Variants in NFIA observed in about 807,000 individuals in gnomAD.
NFIA encodes nuclear factor 1 A-type.
A neutral mutation model predicts 62.8 loss-of-function variants in NFIA; 8 were observed. That is an observed-to-expected ratio of 0.13 (90% CI 0.07 to 0.23). The LOEUF (loss-of-function observed/expected upper bound fraction) is 0.23, where lower values mean the gene tolerates loss of function less well. Ranked by LOEUF, NFIA falls within the 10% of genes least tolerant of loss-of-function variation. The pLI is 1.00. For missense variants in NFIA, 410 were observed against 642.1 expected (o/e 0.64, Z 3.91); for synonymous variants, 235 against 238.1 (o/e 0.99, Z 0.12).
chr1:61,372,265 C>T (rs116489816), intron 6 of NFIA, among the ~76,000 whole-genome samples: 725 of 152,262 alleles, frequency 4.8e-3, no homozygotes, highest in Non-Finnish European at 7.4e-3. Flanking sequence ...GGAACTAACT[C>T]ATTTACTTAA....
chr1:61,133,315 A>T (rs1308378205), intron 2 of NFIA, among the ~76,000 whole-genome samples: 16 of 151,996 alleles, frequency 1.1e-4, no homozygotes, highest in Admixed American at 1.0e-3. Context: ...TTCTTAAAAA[A>T]TAATAAATAT....
upstream of NFIA, chr1:61,082,497 G>A (rs2100402173): frequency 8.5e-7 from 1 of 1,181,478 alleles, no homozygotes; most frequent in African/African-American, 1.6e-5. Context: ...GGGAAAGGGT[G>A]CGCTATGCCT....
rs200503542 is a variant in NFIA at position 61,134,234 on chromosome 1, CTGTG to C, written c.559+45561_559+45564del. On this transcript the variant is annotated intron_variant, in intron 2 of 10. Transcript: ENST00000403491. ...TGGAAACTACAGGGTGCTTTACAGA[CTGTG>C]TGTGTGAGTGTGTGTGTGTGTGTGT... Among the ~76,000 whole-genome samples the C allele has an allele frequency of 5.4e-3, 706 of 129,834 alleles. 3 individuals are homozygous for C. Among genetic ancestry groups the C allele is most frequent in the African/African-American group, 0.018 (618 of 34,214 alleles). 85.2% of individuals were successfully genotyped at this position (129,834 alleles called of 152,430 possible). A position where few individuals can be genotyped will look rare whatever the true frequency, so the allele number is the denominator to read the frequency against.
intron 10 of NFIA, among the ~76,000 whole-genome samples, chr1:61,431,808 T>G (rs1667106597): frequency 6.6e-6 from 1 of 152,162 alleles, no homozygotes; most frequent in African/African-American, 2.4e-5. Context: ...ATGGAGAGCA[T>G]TTTGAGCTGT....
At chr1:61,410,654 G>A (rs1317904981) in intron 9 of NFIA, among the ~76,000 whole-genome samples, 1 of 152,174 alleles carries the variant, frequency 6.6e-6, no homozygotes, top group Non-Finnish European at 1.5e-5. Context: ...TGTAGACCCA[G>A]CACTTTGGGA....
intron 2 of NFIA, among the ~76,000 whole-genome samples, chr1:61,255,447 G>T (rs549311695): frequency 6.6e-6 from 1 of 152,134 alleles, no homozygotes; most frequent in African/African-American, 2.4e-5. Context: ...TGCATTATGC[G>T]TTACTTTCTC....
intron 2 of NFIA, among the ~76,000 whole-genome samples, chr1:61,224,735 G>C (rs566017474): frequency 6.6e-6 from 1 of 152,250 alleles, no homozygotes; most frequent in East Asian, 1.9e-4. Flanking sequence ...CATCTATCCA[G>C]TCCATTGCAA....
intron 1 of NFIA, among the ~76,000 whole-genome samples, chr1:61,084,668 A>G (rs976668826): frequency 6.6e-6 from 1 of 152,156 alleles, no homozygotes; most frequent in Non-Finnish European, 1.5e-5. Context: ...GAGCTGCAAT[A>G]AAGGGAAAGG....
chr1:61,358,379 C>CTTTTTTTTTTTTTTT (rs34853369), intron 5 of NFIA, among the ~76,000 whole-genome samples: 3 of 52,616 alleles, frequency 5.7e-5, no homozygotes, highest in African/African-American at 8.5e-5. Context: ...TTCTTTCTTT[C>CTTTTTTTTTTTTTTT]TTTTTTTTTT....
intron 3 of NFIA, among the ~76,000 whole-genome samples, chr1:61,326,547 A>G (rs1485061269): frequency 1.3e-5 from 2 of 152,268 alleles, no homozygotes; most frequent in South Asian, 2.1e-4. Flanking sequence ...TGACCCCATC[A>G]GGCAGTGTGT....
At chr1:61,148,097 G>C (rs1648136722) in intron 2 of NFIA, among the ~76,000 whole-genome samples, 1 of 152,178 alleles carries the variant, frequency 6.6e-6, no homozygotes, top group Admixed American at 6.5e-5. Flanking sequence ...TTGTTGAGTA[G>C]TTGTGGTACA....
intron 2 of NFIA, among the ~76,000 whole-genome samples, chr1:61,112,743 A>G (rs927402627): frequency 2.0e-5 from 3 of 152,206 alleles, no homozygotes; most frequent in African/African-American, 7.2e-5. Flanking sequence ...ACATGTTTGC[A>G]TACAATGGAT....
At chr1:61,086,772 ATTTAG>A (rs1343150625) in intron 1 of NFIA, among the ~76,000 whole-genome samples, 1 of 152,188 alleles carries the variant, frequency 6.6e-6, no homozygotes, top group Non-Finnish European at 1.5e-5. Context: ...ACATTTAAAA[ATTTAG>A]TAATTGTGTT....
In NFIA at chr1:61,406,542, T is replaced by TGG. The variant is rs1665830183; in HGVS notation, c.1255-19_1255-18insGG. The TGG allele has an allele frequency of 7.2e-6, 9 of 1,253,684 alleles. No homozygotes were observed. Among genetic ancestry groups the TGG allele is most frequent in the African/African-American group, 2.2e-5 (1 of 46,498 alleles). The allele number at this position is 1,253,684 out of a possible 1,614,324, so 77.7% of individuals were successfully genotyped here. On this transcript the variant is annotated intron_variant, in intron 8 of 10. Coordinates refer to ENST00000403491, the MANE Select transcript of NFIA (RefSeq NM_001134673.4). ...TTCTTTTTCTTGTACGTGTGTTTTC[T>TGG]GCCCCCCCCCCCCCCACAGCCCAAT... is the stretch of plus-strand genomic sequence containing the variant.
At chr1:61,370,980 GTTAGCCCCACCCA>G (rs1663852084) in intron 6 of NFIA, among the ~76,000 whole-genome samples, 1 of 152,138 alleles carries the variant, frequency 6.6e-6, no homozygotes, top group South Asian at 2.1e-4. Flanking sequence ...CCCCTGCCAT[GTTAGCCCCACCCA>G]GAAATCACTT....
intron 3 of NFIA, among the ~76,000 whole-genome samples, chr1:61,310,767 C>T (rs1431023964): frequency 6.8e-6 from 1 of 146,226 alleles, no homozygotes; most frequent in East Asian, 2.0e-4. Flanking sequence ...TCCCTCTTTT[C>T]CTTCCTTCCT....
chr1:61,088,732 T>C lies in NFIA; in HGVS notation c.559+52T>C. 1 of 1,559,142 alleles carries C rather than the reference T, an allele frequency of 6.4e-7. No homozygotes were observed. Among genetic ancestry groups the C allele is most frequent in the African/African-American group, 1.4e-5 (1 of 73,568 alleles). On this transcript the variant is annotated intron_variant, in intron 2 of 10. Transcript: ENST00000403491. The surrounding 1 kb of genome is among the most constrained non-coding windows in gnomAD (Gnocchi z 4.5). ...CACTTTCTTGTGTGTGTTTCTTTCC[T>C]GATGGCCTCCGCGTTATGCCGGATT...
chr1:61,178,259 T>C (rs1650530558), intron 2 of NFIA, among the ~76,000 whole-genome samples: 1 of 152,242 alleles, frequency 6.6e-6, no homozygotes, highest in Admixed American at 6.5e-5. Context: ...GAATTGTGCT[T>C]GGTTAAATAA....
intron 3 of NFIA, among the ~76,000 whole-genome samples, chr1:61,292,161 A>G (rs947037210): frequency 1.3e-4 from 20 of 152,242 alleles, no homozygotes; most frequent in African/African-American, 4.6e-4. Context: ...TTCAAAGACG[A>G]CTTATTTTTA....
Sources: gnomAD v4.1 joint callset for allele counts (sites outside exome capture counted in the v4.1 genomes callset) on GRCh38, gnomAD v4.1.1 for gene constraint, Gnocchi (gnomAD v3.1) non-coding constraint, MANE v1.5 for transcripts, NCBI Gene and HGNC (gene_info 2026-07-23, HGNC 2026-07-21) for gene names.